The following CAMK1D variants were observed in gnomAD, a reference collection of about 807,000 sequenced individuals.
CAMK1D encodes calcium/calmodulin dependent protein kinase ID, also known as calcium/calmodulin-dependent protein kinase type 1D.
CAMK1D carries 9 observed loss-of-function variants against 47.7 expected under a neutral mutation model. The ratio of observed to expected loss-of-function variants is 0.19; its 90% CI spans 0.11 to 0.33. The LOEUF is 0.33. CAMK1D is among the 10% of genes least tolerant of loss of function. The pLI is 1.00. For missense variants in CAMK1D, 291 were observed against 488.7 expected (o/e 0.60, Z 3.81); for synonymous variants, 184 against 184.9 (o/e 0.99, Z 0.04).
intron 3 of CAMK1D, among the ~76,000 whole-genome samples, chr10:12,667,512 C>G (rs149789245): frequency 1.7e-3 from 262 of 152,296 alleles, no homozygotes; most frequent in African/African-American, 5.9e-3. Flanking sequence ...ATGCTTTACT[C>G]TAAGTGATAA....
chr10:12,771,132 G>A (rs1219636006), intron 5 of CAMK1D, among the ~76,000 whole-genome samples: 2 of 152,170 alleles, frequency 1.3e-5, no homozygotes, highest in Non-Finnish European at 2.9e-5. Context: ...GTTTTGTCAT[G>A]TTGGCCAGGC....
At chr10:12,721,184 C>T (rs529205194) in intron 3 of CAMK1D, among the ~76,000 whole-genome samples, 1 of 152,302 alleles carries the variant, frequency 6.6e-6, no homozygotes, top group South Asian at 2.1e-4. Context: ...ATAGCGTGGC[C>T]GTTAGTCTTA....
At chr10:12,652,144 A>G (rs140360553) in intron 2 of CAMK1D, among the ~76,000 whole-genome samples, 2,784 of 152,218 alleles carry the variant, frequency 0.018, 49 homozygotes, top group South Asian at 0.11. Context: ...AGTCTTTACT[A>G]GTTGGAGTGG....
chr10:12,501,544 G>C (rs767428728), intron 1 of CAMK1D, among the ~76,000 whole-genome samples: 19 of 152,162 alleles, frequency 1.2e-4, no homozygotes, highest in Non-Finnish European at 2.6e-4. Context: ...CTGTGCTAGG[G>C]GCTCGGAGGA....
In CAMK1D at chr10:12,524,369, G is replaced by A. The variant is rs1835547971; in HGVS notation, c.93-28856G>A. ...CTATAACCAAATAGACTTGTTTAGTGTTTCCTCTTCATAGTTTTTATATTT... is the reference window on the plus strand; with the variant it reads ...CTATAACCAAATAGACTTGTTTAGTATTTCCTCTTCATAGTTTTTATATTT... On this transcript the variant is annotated intron_variant, in intron 1 of 10. Transcript: ENST00000619168. Among the ~76,000 whole-genome samples, 4 of 152,264 alleles carry A rather than the reference G, an allele frequency of 2.6e-5. No individual in the cohort carries two copies. In the South Asian group the frequency reaches 8.3e-4, roughly 32 times the overall value.
At chr10:12,800,836 A>G (rs911541203) in intron 6 of CAMK1D, among the ~76,000 whole-genome samples, 1 of 152,196 alleles carries the variant, frequency 6.6e-6, no homozygotes, top group East Asian at 1.9e-4. Context: ...CATCATGTTC[A>G]TAATACAGCG....
intron 2 of CAMK1D, among the ~76,000 whole-genome samples, chr10:12,605,407 C>T (rs909493583): frequency 1.3e-5 from 2 of 149,684 alleles, no homozygotes; most frequent in Non-Finnish European, 3.0e-5. Context: ...ATATATACAC[C>T]CCTTGGCCAG....
chr10:12,694,169 A>ATATATAT (rs1833104173), intron 3 of CAMK1D, among the ~76,000 whole-genome samples: 1 of 43,400 alleles, frequency 2.3e-5, no homozygotes, highest in African/African-American at 8.9e-5. Flanking sequence ...ATTATGCATA[A>ATATATAT]TATATATTAT....
intron 1 of CAMK1D, among the ~76,000 whole-genome samples, chr10:12,421,881 A>G (rs1392658604): frequency 2.0e-5 from 3 of 147,990 alleles, no homozygotes; most frequent in Admixed American, 6.8e-5. Context: ...CAATGGCTTG[A>G]TCTTGGCTCA....
intron 1 of CAMK1D, among the ~76,000 whole-genome samples, chr10:12,360,862 T>C (rs1837637418): frequency 6.6e-6 from 1 of 152,226 alleles, no homozygotes; most frequent in African/African-American, 2.4e-5. Context: ...CTCTCCCATC[T>C]TTCTTTCTTT....
chr10:12,813,550 G>A (rs184833878), intron 6 of CAMK1D, among the ~76,000 whole-genome samples: 126 of 152,160 alleles, frequency 8.3e-4, no homozygotes, highest in Non-Finnish European at 1.1e-3. Flanking sequence ...AGGTTTTTAG[G>A]GCGTGTGGGA....
At chr10:12,498,353 T>G (rs1051072504) in intron 1 of CAMK1D, among the ~76,000 whole-genome samples, 1 of 152,228 alleles carries the variant, frequency 6.6e-6, no homozygotes, top group African/African-American at 2.4e-5. Flanking sequence ...ATTTGTTCTG[T>G]GACTGAGATC....
At chr10:12,407,085 A>C (rs921350565) in intron 1 of CAMK1D, among the ~76,000 whole-genome samples, 2 of 151,918 alleles carry the variant, frequency 1.3e-5, no homozygotes, top group African/African-American at 2.4e-5. Context: ...CCTGCTGCCT[A>C]TCACCCTCCT....
At chr10:12,524,715 A>C (rs913420014) in intron 1 of CAMK1D, among the ~76,000 whole-genome samples, 1 of 152,180 alleles carries the variant, frequency 6.6e-6, no homozygotes, top group Non-Finnish European at 1.5e-5. Flanking sequence ...TCAAAAAAAA[A>C]AAATCATTTT....
intron 2 of CAMK1D, among the ~76,000 whole-genome samples, chr10:12,602,188 A>G (rs552131274): frequency 1.4e-4 from 21 of 152,380 alleles, no homozygotes; most frequent in Admixed American, 3.3e-4. Flanking sequence ...AAAGCCCTGT[A>G]TAAACTCATT....
chr10:12,579,406 A>C (rs1411688575), intron 2 of CAMK1D, among the ~76,000 whole-genome samples: 1 of 152,112 alleles, frequency 6.6e-6, no homozygotes. Flanking sequence ...TGTATTACTT[A>C]AGCCAATTTA....
intron 1 of CAMK1D, among the ~76,000 whole-genome samples, chr10:12,426,813 C>G (rs1840249468): frequency 6.6e-6 from 1 of 152,184 alleles, no homozygotes; most frequent in Non-Finnish European, 1.5e-5. Context: ...CTCCGGGGTT[C>G]AAGCAATTTT....
chr10:12,489,827 C>T (rs1834327066), intron 1 of CAMK1D, among the ~76,000 whole-genome samples: 1 of 152,186 alleles, frequency 6.6e-6, no homozygotes, highest in Non-Finnish European at 1.5e-5. Flanking sequence ...CTGGTGTCAG[C>T]GATTGCTTTT....
At chr10:12,429,876 T>C in intron 1 of CAMK1D, among the ~76,000 whole-genome samples, 1 of 152,118 alleles carries the variant, frequency 6.6e-6, no homozygotes, top group African/African-American at 2.4e-5. Context: ...GATGCGTGAA[T>C]GTTTGCATTA....
Sources: gnomAD v4.1 joint callset for allele counts (sites outside exome capture counted in the v4.1 genomes callset) on GRCh38, gnomAD v4.1.1 for gene constraint, MANE v1.5 for transcripts, NCBI Gene and HGNC (gene_info 2026-07-23, HGNC 2026-07-21) for gene names.